The following KLHL29 variants were observed in gnomAD, a reference collection of about 807,000 sequenced individuals.
KLHL29 encodes kelch-like protein 29.
KLHL29 carries 21 observed loss-of-function variants against 80.4 expected under a neutral mutation model. The ratio of observed to expected loss-of-function variants is 0.26; its 90% CI spans 0.19 to 0.38. KLHL29 has a LOEUF of 0.38. Among genes scored for constraint, KLHL29 ranks in the 10% least tolerant of loss-of-function variants. KLHL29 has a pLI of 1.00. For synonymous variants in KLHL29, 511 were observed against 526.8 expected (o/e 0.97, Z 0.41); for missense variants, 867 against 1,223.9 (o/e 0.71, Z 4.35).
At chr2:23,422,794 G>A (rs756441004) in intron 1 of KLHL29, among the ~76,000 whole-genome samples, 19 of 152,212 alleles carry the variant, frequency 1.2e-4, no homozygotes, top group African/African-American at 3.4e-4. Context: ...GTGTGTGTTC[G>A]TGTGTCTGTG....
rs530877331 is a variant in KLHL29, at chr2:23,488,373, G to A, written c.-46+12706G>A. 3.6e-4 allele frequency among the ~76,000 whole-genome samples: 55 copies of A among 152,302 alleles called. 1 individual carries two copies. The South Asian group carries it at 9.3e-3, about 26-fold the overall frequency. Reference sequence around the variant, plus strand: ...TGGCAGCCGTCTCTGGGCATCCCCCGTCTCCCGCTCAGTCTCGTCTCAGCA... The same window carrying A: ...TGGCAGCCGTCTCTGGGCATCCCCCATCTCCCGCTCAGTCTCGTCTCAGCA... On this transcript the variant is annotated intron_variant, in intron 2 of 13. Coordinates refer to ENST00000486442, the MANE Select transcript of KLHL29 (RefSeq NM_052920.2).
At chr2:23,658,993 T>C (rs72792071) in intron 5 of KLHL29, among the ~76,000 whole-genome samples, 2,205 of 152,184 alleles carry the variant, frequency 0.014, 29 homozygotes, top group Non-Finnish European at 0.023. Flanking sequence ...TCACTCACTC[T>C]CCCCACCACC....
intron 4 of KLHL29, among the ~76,000 whole-genome samples, chr2:23,640,458 C>T (rs1487428482): frequency 6.6e-6 from 1 of 152,168 alleles, no homozygotes; most frequent in Non-Finnish European, 1.5e-5. Flanking sequence ...CTTTGAAGTT[C>T]TGATGCATTT....
chr2:23,614,691 A>G (rs945516390), intron 3 of KLHL29, among the ~76,000 whole-genome samples: 1 of 152,160 alleles, frequency 6.6e-6, no homozygotes, highest in Non-Finnish European at 1.5e-5. Flanking sequence ...TTGAAATAGT[A>G]GGGTTCGGAA....
rs1665453771 is a variant in KLHL29, at chr2:23,501,828, C to A, written c.-46+26161C>A. On this transcript the variant is annotated intron_variant, in intron 2 of 13. Coordinates refer to ENST00000486442, the MANE Select transcript of KLHL29 (RefSeq NM_052920.2). ...CAAATGCAGACATCTGTGTAACCCA[C>A]ATTCCTATCAAGTAAAAGAGCATTC... Among the ~76,000 whole-genome samples the A allele has an allele frequency of 4.6e-5, 7 of 152,350 alleles. No individual in the cohort carries two copies. The South Asian group carries it at 1.4e-3, about 32-fold the overall frequency.
intron 11 of KLHL29, among the ~76,000 whole-genome samples, chr2:23,699,583 TC>T (rs748898611): frequency 6.6e-5 from 10 of 152,150 alleles, no homozygotes; most frequent in Non-Finnish European, 1.2e-4. Context: ...TTGTCCTTTC[TC>T]CCCTGTCTTG....
intron 1 of KLHL29, among the ~76,000 whole-genome samples, chr2:23,401,620 GC>G (rs1379450846): frequency 6.6e-6 from 1 of 152,212 alleles, no homozygotes; most frequent in African/African-American, 2.4e-5. Context: ...GACGCGTTAT[GC>G]CCGCTCACAT....
intron 1 of KLHL29, among the ~76,000 whole-genome samples, chr2:23,468,236 A>T (rs1375221908): frequency 6.6e-6 from 1 of 152,076 alleles, no homozygotes; most frequent in Non-Finnish European, 1.5e-5. Flanking sequence ...ATTTAGATGC[A>T]GCTCCCTCAG....
Position 23,490,279 on chromosome 2 carries a change from G to A in KLHL29, c.-46+14612G>A, listed in dbSNP as rs1665060156. On this transcript the variant is annotated intron_variant, in intron 2 of 13. Transcript: ENST00000486442. The stretch of plus-strand genomic sequence containing the variant: ...CAATTCCTGGAAGAGTTGGGTTGGT[G>A]GTTAAAAAAAAAAAATCTGATTGGA... Among the ~76,000 whole-genome samples the A allele has an allele frequency of 1.3e-5, 2 of 151,686 alleles. 1 individual carries two copies. Among genetic ancestry groups the A allele is most frequent in the South Asian group, 4.2e-4 (2 of 4,814 alleles).
At chr2:23,616,427 A>C (rs1398915646) in intron 3 of KLHL29, 1 of 152,224 alleles carries the variant, frequency 6.6e-6, no homozygotes, top group Non-Finnish European at 1.5e-5. Flanking sequence ...AAAGAAAAAA[A>C]CATTTACCAA....
chr2:23,645,807 G>T (rs549074920), intron 5 of KLHL29, among the ~76,000 whole-genome samples: 3 of 152,182 alleles, frequency 2.0e-5, no homozygotes, highest in African/African-American at 7.2e-5. Flanking sequence ...CAAAAAGGGC[G>T]TTGGGACTTT....
chr2:23,414,148 T>C (rs916593843), intron 1 of KLHL29, among the ~76,000 whole-genome samples: 4 of 152,214 alleles, frequency 2.6e-5, no homozygotes, highest in Admixed American at 1.3e-4. Context: ...AGGGACTTAA[T>C]TGTCTTTGAA....
intron 1 of KLHL29, among the ~76,000 whole-genome samples, chr2:23,452,167 G>A (rs531123526): frequency 4.0e-5 from 6 of 149,120 alleles, no homozygotes; most frequent in African/African-American, 7.5e-5. Flanking sequence ...ATGTCCCACC[G>A]TGCCCAGAAA....
intron 1 of KLHL29, among the ~76,000 whole-genome samples, chr2:23,462,450 C>A (rs1483616576): frequency 2.6e-5 from 4 of 152,180 alleles, no homozygotes; most frequent in African/African-American, 9.7e-5. Flanking sequence ...CAGGCTGTGG[C>A]CTCTGTCACT....
chr2:23,504,858 G>A (rs1156339332), intron 2 of KLHL29, among the ~76,000 whole-genome samples: 5 of 152,186 alleles, frequency 3.3e-5, no homozygotes, highest in Non-Finnish European at 2.9e-5. Flanking sequence ...CGTTGAATGT[G>A]CCCAGGCCTC....
chr2:23,466,365 T>C (rs1664354726), intron 1 of KLHL29, among the ~76,000 whole-genome samples: 1 of 152,260 alleles, frequency 6.6e-6, no homozygotes, highest in Non-Finnish European at 1.5e-5. Context: ...TATCAACCTT[T>C]AGATGCGTTA....
chr2:23,501,631 T>A (rs983108413), intron 2 of KLHL29, among the ~76,000 whole-genome samples: 1 of 152,218 alleles, frequency 6.6e-6, no homozygotes, highest in Non-Finnish European at 1.5e-5. Flanking sequence ...CTAGTAAAAC[T>A]AAAAACGTTT....
Position 23,553,797 on chromosome 2 carries a change from G to A in KLHL29, c.-45-8355G>A, listed in dbSNP as rs551454044. On this transcript the variant is annotated intron_variant, in intron 2 of 13. Coordinates refer to ENST00000486442, the MANE Select transcript of KLHL29 (RefSeq NM_052920.2). Reference sequence around the variant, plus strand: ...AAATGTTCCCTGAGCCCCCTGCCCCGGATGCCCAGCCCTGTGCTCGGGCAG... The same window carrying A: ...AAATGTTCCCTGAGCCCCCTGCCCCAGATGCCCAGCCCTGTGCTCGGGCAG... Among the ~76,000 whole-genome samples, 12 of 152,290 alleles carry A rather than the reference G, an allele frequency of 7.9e-5. No individual in the cohort carries two copies. The South Asian group carries it at 1.7e-3, about 21-fold the overall frequency.
At chr2:23,652,345 C>G (rs550516878) in intron 5 of KLHL29, among the ~76,000 whole-genome samples, 1 of 152,214 alleles carries the variant, frequency 6.6e-6, no homozygotes, top group Admixed American at 6.5e-5. Context: ...CAGGAACCAC[C>G]GATCGCTAGA....
Sources: gnomAD v4.1 joint callset for allele counts (sites outside exome capture counted in the v4.1 genomes callset) on GRCh38, gnomAD v4.1.1 for gene constraint, MANE v1.5 for transcripts, NCBI Gene and HGNC (gene_info 2026-07-23, HGNC 2026-07-21) for gene names.